The following EPB41L4B variants were observed in gnomAD, a reference collection of about 807,000 sequenced individuals.
The protein encoded by EPB41L4B is band 4.1-like protein 4B.
EPB41L4B carries 30 observed loss-of-function variants against 112.5 expected under a neutral mutation model. The ratio of observed to expected loss-of-function variants is 0.27; its 90% CI spans 0.20 to 0.36. The LOEUF is 0.36. EPB41L4B is among the 10% of genes least tolerant of loss of function. EPB41L4B has a pLI of 1.00. For missense variants in EPB41L4B, 1,024 were observed against 1,133.3 expected, an observed-to-expected ratio of 0.90 and a Z score of 1.38; for synonymous variants, 408 against 439.7, an observed-to-expected ratio of 0.93 and a Z score of 0.90.
intron 1 of EPB41L4B, among the ~76,000 whole-genome samples, chr9:109,305,981 G>A (rs982629845): frequency 2.6e-5 from 4 of 152,228 alleles, no homozygotes; most frequent in Admixed American, 2.6e-4. Flanking sequence ...ATACACAGGT[G>A]AGAAGTGAAG....
At chr9:109,175,470 C>A (rs1214720775) in intron 25 of EPB41L4B, among the ~76,000 whole-genome samples, 1 of 103,844 alleles carries the variant, frequency 9.6e-6, no homozygotes, top group Non-Finnish European at 1.8e-5. Flanking sequence ...ACTGTTTAAA[C>A]ACACACACAC....
At chr9:109,213,947 A>G in intron 16 of EPB41L4B, 129 bp from the exon 17 acceptor site, 1 of 746,414 alleles carries the variant, frequency 1.3e-6, no homozygotes, top group Admixed American at 2.1e-5. Context: ...AGCAGCTCTC[A>G]TGCCTTCAGT....
intron 1 of EPB41L4B, among the ~76,000 whole-genome samples, chr9:109,299,235 G>A (rs951441635): frequency 6.6e-6 from 1 of 152,220 alleles, no homozygotes. Flanking sequence ...TATTTAGGTA[G>A]AATGGGAAGA....
intron 22 of EPB41L4B, among the ~76,000 whole-genome samples, chr9:109,185,955 C>T (rs1033596504): frequency 2.0e-4 from 30 of 152,008 alleles, no homozygotes; most frequent in African/African-American, 5.8e-4. Flanking sequence ...CTTCTTGGCA[C>T]GCGGTTGAGG....
In EPB41L4B at chr9:109,311,121, A is replaced by G. The variant is rs551553532; in HGVS notation, c.306+9020T>C. The stretch of plus-strand genomic sequence containing the variant: ...AACGTCTGGAGACCAATGGTGGTGA[A>G]GGTTGCAAAACAGTGTGAATGTACA... On this transcript the variant is annotated intron_variant, in intron 1 of 25. Transcript: ENST00000374566. 2.6e-5 allele frequency among the ~76,000 whole-genome samples: 4 copies of G among 152,276 alleles called. No homozygotes were observed. The South Asian group carries it at 6.2e-4, about 24-fold the overall frequency.
intron 14 of EPB41L4B, among the ~76,000 whole-genome samples, chr9:109,246,125 G>A (rs1834547061): frequency 6.6e-6 from 1 of 152,178 alleles, no homozygotes. Flanking sequence ...ACCCTGGCCG[G>A]GCACGGTGGC....
At chr9:109,287,153 C>G (rs1836319351) in intron 1 of EPB41L4B, among the ~76,000 whole-genome samples, 1 of 152,196 alleles carries the variant, frequency 6.6e-6, no homozygotes, top group Non-Finnish European at 1.5e-5. Flanking sequence ...AGGCAGCCAG[C>G]AGGACAAGGG....
chr9:109,199,894 T>G (rs915027485), intron 20 of EPB41L4B, among the ~76,000 whole-genome samples: 3 of 152,114 alleles, frequency 2.0e-5, no homozygotes, highest in African/African-American at 7.2e-5. Flanking sequence ...ACCGCAGCCC[T>G]GACACCTTGA....
intron 1 of EPB41L4B, among the ~76,000 whole-genome samples, chr9:109,290,702 A>C (rs1342756392): frequency 6.7e-6 from 1 of 149,410 alleles, no homozygotes; most frequent in Non-Finnish European, 1.5e-5. Context: ...CCTTGGCAGG[A>C]AACTAGCCAT....
At chr9:109,210,438 T>C (rs1158031679) in intron 17 of EPB41L4B, among the ~76,000 whole-genome samples, 2 of 152,198 alleles carry the variant, frequency 1.3e-5, no homozygotes, top group Non-Finnish European at 2.9e-5. Flanking sequence ...TTTGAGGCTT[T>C]TGACAATTGC....
intron 13 of EPB41L4B, among the ~76,000 whole-genome samples, chr9:109,250,851 T>C (rs1834760754): frequency 6.6e-6 from 1 of 152,210 alleles, no homozygotes; most frequent in African/African-American, 2.4e-5. Flanking sequence ...TAAAGTTTTA[T>C]TGGAATGCAG....
At position 109,309,755 on chromosome 9, in the gene EPB41L4B, C is replaced by CAGAGAG. The variant is rs34950010; in HGVS notation, c.306+10380_306+10385dup. 9.8e-4 allele frequency among the ~76,000 whole-genome samples: 139 copies of CAGAGAG among 142,226 alleles called. 1 individual carries two copies. Among genetic ancestry groups the CAGAGAG allele is most frequent in the South Asian group, 6.1e-3 (26 of 4,236 alleles). The allele number at this position is 142,226 out of a possible 152,430, so 93.3% of individuals were successfully genotyped here. A position where few individuals can be genotyped will look rare whatever the true frequency, so the allele number is the denominator to read the frequency against. On this transcript the variant is annotated intron_variant, in intron 1 of 25. Transcript: ENST00000374566. ...TCTCTATTATTAAGAAATACACACA[C>CAGAGAG]AGAGAGAGAGAGAGAGAGAGAGAGA... is the stretch of plus-strand genomic sequence containing the variant.
chr9:109,203,270 A>G (rs532986363), intron 19 of EPB41L4B, among the ~76,000 whole-genome samples: 2 of 152,338 alleles, frequency 1.3e-5, no homozygotes, highest in East Asian at 3.9e-4. Context: ...CCCAAGTCCA[A>G]GCTGGAGTTG....
At position 109,176,592 on chromosome 9, in the gene EPB41L4B, C is replaced by T. The variant is rs762255915; in HGVS notation, c.2592G>A (p.Gln864=). Residue 864 remains glutamine (Q), a synonymous_variant, in exon 25 of 26, where the codon CAG becomes CAA. Coordinates refer to ENST00000374566, the MANE Select transcript of EPB41L4B (RefSeq NM_019114.5). ...RPLTETVSTV[Q]TIYTTRKPVS... ...CAGGTTTCCGGGTGGTGTAAATGGT[C>T]TGCACTGTGGAGACGGTCTCTGTCA... is the stretch of plus-strand genomic sequence containing the variant. 4 of 1,613,872 alleles carry T rather than the reference C, an allele frequency of 2.5e-6. No homozygotes were observed. The highest frequency in any genetic ancestry group is 1.1e-5 in the South Asian group (1 of 90,994).
At chr9:109,317,747 G>A (rs1417559908) in intron 1 of EPB41L4B, among the ~76,000 whole-genome samples, 2 of 152,180 alleles carry the variant, frequency 1.3e-5, no homozygotes, top group African/African-American at 2.4e-5. Context: ...ACGGTCAAAG[G>A]TAAATCCTAT....
Position 109,255,789 on chromosome 9 carries a change from G to A in EPB41L4B, c.984C>T (p.Val328=), listed in dbSNP as rs201972870. The stretch of plus-strand genomic sequence containing the variant: ...CCAGGCCTACCTGATCATCATCCTC[G>A]ACCACCACGAGTGTCAATTTGCTCT... ...FKKSKLTLVV[V]EDDDQGREQE... Residue 328 remains valine (V), a synonymous_variant, in exon 10 of 26, where the codon GTC becomes GTT. Coordinates refer to ENST00000374566, the MANE Select transcript of EPB41L4B (RefSeq NM_019114.5). 90 of 1,613,788 alleles carry A rather than the reference G, an allele frequency of 5.6e-5. No homozygotes were observed. In the East Asian group the frequency reaches 1.7e-3, roughly 31 times the overall value.
intron 20 of EPB41L4B, among the ~76,000 whole-genome samples, chr9:109,195,580 C>T (rs904629607): frequency 1.6e-4 from 24 of 152,246 alleles, no homozygotes; most frequent in South Asian, 4.1e-4. Context: ...ATTTTCACAC[C>T]GACCCTATTA....
rs139478638 is a variant in EPB41L4B at position 109,283,904 on chromosome 9, T to C, written c.307-3983A>G. On this transcript the variant is annotated intron_variant, in intron 1 of 25. Transcript: ENST00000374566. ...GAGTTCGAGATCAGCCTGGGCAACA[T>C]AGCAAGACCCCATCTCTACAAAAAA... Among the ~76,000 whole-genome samples, 236 of 146,202 alleles carry C rather than the reference T, an allele frequency of 1.6e-3. 2 individuals carry two copies. The highest frequency in any genetic ancestry group is 5.0e-3 in the African/African-American group (196 of 39,290).
chr9:109,266,722 C>T (rs1277487785), intron 4 of EPB41L4B, among the ~76,000 whole-genome samples: 1 of 152,106 alleles, frequency 6.6e-6, no homozygotes, highest in East Asian at 1.9e-4. Flanking sequence ...AATCCCAGCA[C>T]TTTGGGAGGC....
Sources: gnomAD v4.1 joint callset for allele counts (sites outside exome capture counted in the v4.1 genomes callset) on GRCh38, gnomAD v4.1.1 for gene constraint, MANE v1.5 for transcripts, NCBI Gene and HGNC (gene_info 2026-07-23, HGNC 2026-07-21) for gene names.